Variants in TEAD1 observed in about 807,000 individuals in gnomAD.
TEAD1 encodes the protein TEA domain transcription factor 1.
TEAD1 carries 9 observed loss-of-function variants against 54.9 expected under a neutral mutation model. That is an observed-to-expected ratio of 0.16 (90% CI 0.10 to 0.29). The LOEUF is 0.29. Among genes scored for constraint, TEAD1 ranks in the 10% least tolerant of loss-of-function variants. The pLI is 1.00. For missense variants in TEAD1, 387 were observed against 535.9 expected, an observed-to-expected ratio of 0.72 and a Z score of 2.74; for synonymous variants, 200 against 187.8, an observed-to-expected ratio of 1.07 and a Z score of -0.53.
intron 3 of TEAD1, among the ~76,000 whole-genome samples, chr11:12,844,150 G>A (rs1002011723): frequency 6.6e-6 from 1 of 151,876 alleles, no homozygotes; most frequent in Non-Finnish European, 1.5e-5. Flanking sequence ...ATGACTTAAA[G>A]CTTTTTTTTG....
At chr11:12,727,728 G>A (rs1211510652) in intron 2 of TEAD1, among the ~76,000 whole-genome samples, 1 of 152,110 alleles carries the variant, frequency 6.6e-6, no homozygotes, top group Non-Finnish European at 1.5e-5. Context: ...GAGTGGGAGT[G>A]GATCTGTGTG....
intron 2 of TEAD1, among the ~76,000 whole-genome samples, chr11:12,757,163 T>C (rs1479218182): frequency 6.6e-6 from 1 of 152,200 alleles, no homozygotes; most frequent in East Asian, 1.9e-4. Context: ...ATCTTTTCTC[T>C]TAGTGCTCGT....
chr11:12,811,136 G>A (rs1387548190), intron 3 of TEAD1, among the ~76,000 whole-genome samples: 1 of 152,220 alleles, frequency 6.6e-6, no homozygotes, highest in African/African-American at 2.4e-5. Flanking sequence ...GAGGGATGGT[G>A]CCTGACCAGT....
At chr11:12,836,419 CAA>C (rs34899154) in intron 3 of TEAD1, among the ~76,000 whole-genome samples, 6 of 132,482 alleles carry the variant, frequency 4.5e-5, no homozygotes, top group Admixed American at 7.5e-5. Context: ...GACTCCGTCT[CAA>C]AAAAAAAAAA....
intron 4 of TEAD1, 113 bp from the exon 5 acceptor site, chr11:12,864,725 C>T (rs1192674790): frequency 6.2e-7 from 1 of 1,603,752 alleles, no homozygotes; most frequent in African/African-American, 1.3e-5. Flanking sequence ...AAAGAAAGTT[C>T]GAGAAATTCA....
chr11:12,863,969 G>A (rs1947559348), intron 4 of TEAD1, among the ~76,000 whole-genome samples: 1 of 151,976 alleles, frequency 6.6e-6, no homozygotes, highest in Non-Finnish European at 1.5e-5. Context: ...CAGGATGGCT[G>A]GCTGGCTGTA....
At chr11:12,869,505 T>C (rs1013835500) in intron 5 of TEAD1, among the ~76,000 whole-genome samples, 2 of 152,218 alleles carry the variant, frequency 1.3e-5, no homozygotes, top group African/African-American at 4.8e-5. Context: ...AGATTTTCAA[T>C]AGCAGCATTT....
At position 12,864,993 on chromosome 11, in the gene TEAD1, C is replaced by G. The variant is rs10500764; in HGVS notation, c.330+93C>G. 9.3e-6 allele frequency: 13 copies of G among 1,402,816 alleles called. No homozygotes were observed. The East Asian group carries it at 1.8e-4, about 20-fold the overall frequency. 86.9% of individuals were successfully genotyped at this position (1,402,816 alleles called of 1,614,324 possible). A position where few individuals can be genotyped will look rare whatever the true frequency, so the allele number is the denominator to read the frequency against. On this transcript the variant is annotated intron_variant, in intron 5 of 12. Coordinates refer to ENST00000527636, the MANE Select transcript of TEAD1 (RefSeq NM_021961.6). ...GGTGAATGCCTGGTGCTGGGATTCT[C>G]GTAACCTAGTTTCCTTGCATGTGAG...
intron 3 of TEAD1, among the ~76,000 whole-genome samples, chr11:12,782,256 A>G (rs1258305579): frequency 2.6e-5 from 4 of 152,370 alleles, no homozygotes; most frequent in Admixed American, 1.3e-4. Flanking sequence ...TAGCTATACA[A>G]TGGAATATTA....
chr11:12,756,372 T>G (rs1209374349), intron 2 of TEAD1, among the ~76,000 whole-genome samples: 2 of 152,198 alleles, frequency 1.3e-5, no homozygotes, highest in Non-Finnish European at 1.5e-5. Context: ...ATGACATACT[T>G]TCTGTGCTTC....
intron 2 of TEAD1, among the ~76,000 whole-genome samples, chr11:12,738,991 C>G (rs1944591906): frequency 6.6e-6 from 1 of 152,010 alleles, no homozygotes; most frequent in Non-Finnish European, 1.5e-5. Context: ...GGCAACTCAG[C>G]CTGACATAGG....
At chr11:12,818,334 C>T (rs534483137) in intron 3 of TEAD1, among the ~76,000 whole-genome samples, 1 of 152,256 alleles carries the variant, frequency 6.6e-6, no homozygotes, top group African/African-American at 2.4e-5. Flanking sequence ...CTTACAGAAC[C>T]ACTGTTACTA....
intron 10 of TEAD1, among the ~76,000 whole-genome samples, chr11:12,921,922 C>T (rs1948814016): frequency 6.6e-6 from 1 of 152,128 alleles, no homozygotes; most frequent in South Asian, 2.1e-4. Context: ...GAGAAAAATG[C>T]ACACCTGGGT....
chr11:12,685,065 C>G (rs888750164), intron 2 of TEAD1, among the ~76,000 whole-genome samples: 6 of 152,182 alleles, frequency 3.9e-5, no homozygotes, highest in Non-Finnish European at 8.8e-5. Context: ...GTCAATGTCC[C>G]TGTGTTTTTA....
chr11:12,805,138 C>T (rs1946142103), intron 3 of TEAD1, among the ~76,000 whole-genome samples: 1 of 152,182 alleles, frequency 6.6e-6, no homozygotes, highest in Non-Finnish European at 1.5e-5. Flanking sequence ...TGGTGGCTTA[C>T]TGTGAAGGTC....
At chr11:12,900,986 G>A (rs1300642146) in intron 9 of TEAD1, among the ~76,000 whole-genome samples, 1 of 152,170 alleles carries the variant, frequency 6.6e-6, no homozygotes, top group Non-Finnish European at 1.5e-5. Flanking sequence ...GGAGTATAAC[G>A]TCTAGACCAG....
At chr11:12,679,499 C>T (rs1943171335) in intron 2 of TEAD1, among the ~76,000 whole-genome samples, 1 of 152,144 alleles carries the variant, frequency 6.6e-6, no homozygotes, top group Non-Finnish European at 1.5e-5. Context: ...CTGAAACACT[C>T]TTGACTGGGA....
At chr11:12,826,160 C>T (rs191368436) in intron 3 of TEAD1, among the ~76,000 whole-genome samples, 6 of 152,300 alleles carry the variant, frequency 3.9e-5, no homozygotes, top group South Asian at 2.1e-4. Flanking sequence ...AATTACTTTT[C>T]GAGAAGGTTT....
chr11:12,754,741 C>A (rs767964115), intron 2 of TEAD1, among the ~76,000 whole-genome samples: 1 of 152,108 alleles, frequency 6.6e-6, no homozygotes, highest in East Asian at 1.9e-4. Flanking sequence ...GCTTGGCCTT[C>A]GCAGTTTAGC....
Sources: gnomAD v4.1 joint callset for allele counts (sites outside exome capture counted in the v4.1 genomes callset) on GRCh38, gnomAD v4.1.1 for gene constraint, MANE v1.5 for transcripts, NCBI Gene and HGNC (gene_info 2026-07-23, HGNC 2026-07-21) for gene names.